TRAF3IP3: variants seen among roughly 807,000 people sequenced by gnomAD.
TRAF3IP3 encodes TRAF3-interacting JNK-activating modulator.
Under a neutral mutation model 86.5 loss-of-function variants are expected in TRAF3IP3, and 64 were observed. The ratio of observed to expected loss-of-function variants is 0.74; its 90% confidence interval spans 0.60 to 0.91. TRAF3IP3 has a LOEUF of 0.91. Among genes scored for constraint, TRAF3IP3 ranks in the 40% least tolerant of loss-of-function variants. The pLI is 0.00. For missense variants in TRAF3IP3, 579 were observed against 642.9 expected (o/e 0.90, Z 1.07); for synonymous variants, 220 against 243.9 (o/e 0.90, Z 0.91).
At chr1:209,769,392 G>T (rs779766751) in intron 8 of TRAF3IP3, among the ~76,000 whole-genome samples, 1 of 152,216 alleles carries the variant, frequency 6.6e-6, no homozygotes, top group Non-Finnish European at 1.5e-5. Context: ...GTCTTCCATC[G>T]GTCCCAAAGC....
In TRAF3IP3 at chr1:209,778,109, A is replaced by G. The variant is rs1161224868; in HGVS notation, c.1190-2A>G. The G allele has an allele frequency of 1.9e-6, 3 of 1,613,896 alleles. No individual in the cohort carries two copies. The highest frequency in any genetic ancestry group is 2.5e-6 in the Non-Finnish European group (3 of 1,179,830). On this transcript the variant is annotated splice_acceptor_variant, in intron 12 of 16. Transcript: ENST00000367025. LOFTEE classifies it high-confidence loss of function. ...TTTTGGCTTGCATTATTGCATTTTC[A>G]GATCAACTAAAAAGGTCAGAGGCAG...
chr1:209,780,304 G>T, intron 14 of TRAF3IP3, 166 bp from the exon 15 acceptor site: 1 of 516,088 alleles, frequency 1.9e-6, no homozygotes, highest in Non-Finnish European at 3.2e-6. Flanking sequence ...AGCTTAGCAG[G>T]GGCCTACTGG....
At chr1:209,763,714 C>A in intron 8 of TRAF3IP3, 127 bp downstream of exon 8, 1 of 778,696 alleles carries the variant, frequency 1.3e-6, no homozygotes, top group Non-Finnish European at 2.1e-6. Context: ...TGGGAAGAGG[C>A]AGGAGATGAG....
Position 209,782,274 on chromosome 1 carries a change from T to G in TRAF3IP3, c.*126T>G. The G allele has an allele frequency of 1.4e-6, 1 of 710,366 alleles. No individual in the cohort carries two copies. The highest frequency in any genetic ancestry group is 2.5e-6 in the Non-Finnish European group (1 of 404,170). 44.0% of individuals were successfully genotyped at this position (710,366 alleles called of 1,614,324 possible). A position where few individuals can be genotyped will look rare whatever the true frequency, so the allele number is the denominator to read the frequency against. On this transcript the variant is annotated 3_prime_UTR_variant, in exon 17 of 17. Coordinates refer to ENST00000367025, the MANE Select transcript of TRAF3IP3 (RefSeq NM_025228.4). ...TTAGGATTTCTGACTTTTTATTAAT[T>G]TCTTAACCTACTGTAAATAAACTTC...
At chr1:209,767,743 A>G (rs766652768) in intron 8 of TRAF3IP3, among the ~76,000 whole-genome samples, 32 of 152,066 alleles carry the variant, frequency 2.1e-4, no homozygotes, top group Non-Finnish European at 4.6e-4. Context: ...CCTGGCTCCA[A>G]GCAGGGGTTG....
intron 1 of TRAF3IP3, among the ~76,000 whole-genome samples, chr1:209,757,449 C>T (rs1244316164): frequency 1.3e-5 from 2 of 152,182 alleles, no homozygotes; most frequent in Non-Finnish European, 2.9e-5. Context: ...TTATGTGTGA[C>T]ACAGGCAGAC....
intron 11 of TRAF3IP3, 166 bp downstream of exon 11, chr1:209,775,902 T>G: frequency 1.6e-6 from 1 of 640,030 alleles, no homozygotes; most frequent in East Asian, 2.8e-5. Context: ...GGCTCTGAAA[T>G]CTAATTTTGA....
intron 6 of TRAF3IP3, 82 bp from the exon 7 acceptor site, chr1:209,763,281 A>G: frequency 6.5e-7 from 1 of 1,541,130 alleles, no homozygotes; most frequent in East Asian, 2.2e-5. Flanking sequence ...GCTCTACACA[A>G]GCCAGCCCAG....
Position 209,782,309 on chromosome 1 carries a change from G to C in TRAF3IP3, c.*161G>C. ...ACTGTAAATAAACTTCACCTGACCA[G>C]ATTGTTCCTCAGAACTCTCAGTTTA... On this transcript the variant is annotated 3_prime_UTR_variant, in exon 17 of 17. Transcript: ENST00000367025. 1.6e-6 allele frequency: 1 copy of C among 612,748 alleles called. No individual in the cohort carries two copies. Among genetic ancestry groups the C allele is most frequent in the African/African-American group, 1.8e-5 (1 of 54,442 alleles). The allele number at this position is 612,748 out of a possible 1,614,324, so 38.0% of individuals were successfully genotyped here.
chr1:209,781,846 T>A (rs2077788025), intron 16 of TRAF3IP3: 2 of 572,906 alleles, frequency 3.5e-6, no homozygotes, highest in South Asian at 4.3e-5. Flanking sequence ...ATCTGGTCCC[T>A]GATGGATACG....
chr1:209,762,491 C>T, intron 3 of TRAF3IP3, 24 bp from the exon 4 acceptor site: 2 of 1,443,004 alleles, frequency 1.4e-6, no homozygotes, highest in Non-Finnish European at 1.8e-6. Context: ...CAGTGGTTTT[C>T]AGCATTCCCC....
At chr1:209,762,481 C>G (rs2077263621) in intron 3 of TRAF3IP3, 34 bp from the exon 4 acceptor site, 2 of 1,438,750 alleles carry the variant, frequency 1.4e-6, no homozygotes, top group Non-Finnish European at 9.2e-7. Flanking sequence ...AGGCTCCAGG[C>G]AGTGGTTTTC....
chr1:209,762,760 T>C, intron 4 of TRAF3IP3, 53 bp from the exon 5 acceptor site: 1 of 1,207,232 alleles, frequency 8.3e-7, no homozygotes, highest in Non-Finnish European at 1.1e-6. Flanking sequence ...CCCTCCCCAC[T>C]TCCCTCACTT....
chr1:209,762,802 C>T lies in TRAF3IP3; in HGVS notation c.494-11C>T. 6.5e-7 allele frequency: 1 copy of T among 1,528,314 alleles called. No homozygotes were observed. The highest frequency in any genetic ancestry group is 2.4e-5 in the East Asian group (1 of 41,698). The allele number at this position is 1,528,314 out of a possible 1,614,324, so 94.7% of individuals were successfully genotyped here. On this transcript the variant is annotated splice_polypyrimidine_tract_variant and intron_variant, in intron 4 of 16. Transcript: ENST00000367025. ...TGTAAGTTCTAAATCAACTTATCCTCCATCTCTCAGGTACTCAGACAAAGG... is the reference window on the plus strand; with the variant it reads ...TGTAAGTTCTAAATCAACTTATCCTTCATCTCTCAGGTACTCAGACAAAGG...
chr1:209,762,899 T>C (rs996381813), intron 5 of TRAF3IP3, 29 bp downstream of exon 5: 4 of 1,613,130 alleles, frequency 2.5e-6, no homozygotes, highest in Non-Finnish European at 3.4e-6. Flanking sequence ...CCCTCTCACA[T>C]CCCATCCATT....
At chr1:209,770,374 CGTGTGCATGTGGAGGTGTGT>C (rs2077442848) in intron 8 of TRAF3IP3, among the ~76,000 whole-genome samples, 1 of 140,328 alleles carries the variant, frequency 7.1e-6, no homozygotes, top group Non-Finnish European at 1.6e-5. Flanking sequence ...TGGAATTGTG[CGTGTGCATGTGGAGGTGTGT>C]GTGTGCAGGT....
chr1:209,770,040 G>A (rs1471471314), intron 8 of TRAF3IP3, among the ~76,000 whole-genome samples: 1 of 152,202 alleles, frequency 6.6e-6, no homozygotes, highest in African/African-American at 2.4e-5. Flanking sequence ...CAGGGAAGCT[G>A]TAGCTACTAA....
At chr1:209,775,197 C>G in intron 9 of TRAF3IP3, 152 bp from the exon 10 acceptor site, 1 of 721,792 alleles carries the variant, frequency 1.4e-6, no homozygotes, top group Non-Finnish European at 2.3e-6. Flanking sequence ...AGGGACTCTT[C>G]TTGCTAGCTC....
At chr1:209,764,537 T>C (rs2102445433) in intron 8 of TRAF3IP3, among the ~76,000 whole-genome samples, 1 of 150,954 alleles carries the variant, frequency 6.6e-6, no homozygotes, top group South Asian at 2.1e-4. Context: ...AGGTCAGGAG[T>C]TCAAGACCAG....
Sources: allele counts gnomAD v4.1 joint callset (sites outside exome capture counted in the v4.1 genomes callset), GRCh38; gene constraint gnomAD v4.1.1; transcripts MANE v1.5; gene names NCBI Gene and HGNC (gene_info 2026-07-23, HGNC 2026-07-21).